Variants in RNF150 observed in about 807,000 individuals in gnomAD.
RNF150 encodes the protein ring finger protein 150.
Under a neutral mutation model 39.3 loss-of-function variants are expected in RNF150, and 24 were observed. That is an observed-to-expected ratio of 0.61 (90% confidence interval 0.44 to 0.86). The LOEUF is 0.86. RNF150 is among the 40% of genes least tolerant of loss of function. The pLI is 0.00. For synonymous variants in RNF150, 255 were observed against 227.3 expected, an observed-to-expected ratio of 1.12 and a Z score of -1.10; for missense variants, 502 against 587.8, an observed-to-expected ratio of 0.85 and a Z score of 1.51.
At chr4:141,115,857 T>C (rs1560746603) in intron 1 of RNF150, among the ~76,000 whole-genome samples, 1 of 152,178 alleles carries the variant, frequency 6.6e-6, no homozygotes, top group Non-Finnish European at 1.5e-5. Flanking sequence ...AACCATCTGA[T>C]CTTTGACAAA....
intron 1 of RNF150, among the ~76,000 whole-genome samples, chr4:141,088,401 G>A (rs1377563113): frequency 6.6e-6 from 1 of 152,044 alleles, no homozygotes; most frequent in Non-Finnish European, 1.5e-5. Context: ...GGAGAAACTG[G>A]GCTTGAAAGA....
chr4:140,896,833 C>T (rs1157777804), intron 6 of RNF150, among the ~76,000 whole-genome samples: 1 of 151,956 alleles, frequency 6.6e-6, no homozygotes, highest in South Asian at 2.1e-4. Flanking sequence ...CCTGCACCAC[C>T]GTGTGTAGGT....
chr4:140,994,618 G>T (rs1424528514), intron 1 of RNF150, among the ~76,000 whole-genome samples: 1 of 152,098 alleles, frequency 6.6e-6, no homozygotes, highest in Non-Finnish European at 1.5e-5. Context: ...AAGACCAAAA[G>T]TAAGATCTGA....
Position 140,926,724 on chromosome 4 carries a change from G to A in RNF150, c.891-651C>T, listed in dbSNP as rs60138040. On this transcript the variant is annotated intron_variant, in intron 4 of 6. Coordinates refer to ENST00000515673, the MANE Select transcript of RNF150 (RefSeq NM_020724.2). ...ACTAGCTTTTATCTTCGTGGCAGAA[G>A]GGGCATTTGGTGGCTACAGGAGGGC... Among the ~76,000 whole-genome samples, 1,148 of 152,280 alleles carry A rather than the reference G, an allele frequency of 7.5e-3. 18 individuals carry two copies. The highest frequency in any genetic ancestry group is 0.026 in the African/African-American group (1,084 of 41,562).
chr4:141,124,386 T>G (rs943404785), intron 1 of RNF150, among the ~76,000 whole-genome samples: 1 of 152,168 alleles, frequency 6.6e-6, no homozygotes, highest in Non-Finnish European at 1.5e-5. Flanking sequence ...AAGAGTAGCT[T>G]GGGAGTGCCT....
At chr4:141,046,090 A>G (rs1211532134) in intron 1 of RNF150, among the ~76,000 whole-genome samples, 4 of 152,184 alleles carry the variant, frequency 2.6e-5, no homozygotes, top group African/African-American at 4.8e-5. Flanking sequence ...AGATTGACAT[A>G]TAGAAGATGG....
intron 1 of RNF150, among the ~76,000 whole-genome samples, chr4:140,988,059 C>T (rs1233342581): frequency 6.6e-6 from 1 of 152,176 alleles, no homozygotes; most frequent in Non-Finnish European, 1.5e-5. Context: ...GAGATACCAT[C>T]TCACACCAGT....
chr4:140,948,585 C>T lies in RNF150; in HGVS notation c.807+716G>A, dbSNP rs559692276. On this transcript the variant is annotated intron_variant, in intron 3 of 6. Coordinates refer to ENST00000515673, the MANE Select transcript of RNF150 (RefSeq NM_020724.2). Reference sequence around the variant, plus strand: ...GTGAAGGAGACTACTGAAATGAATTCGGGGCTCTGTGTTTTGATTTTAAAA... The same window carrying T: ...GTGAAGGAGACTACTGAAATGAATTTGGGGCTCTGTGTTTTGATTTTAAAA... Among the ~76,000 whole-genome samples the T allele has an allele frequency of 5.9e-5, 9 of 152,104 alleles. No individual in the cohort carries two copies. In the East Asian group the frequency reaches 9.6e-4, roughly 16 times the overall value.
At chr4:141,080,956 C>T (rs1221196092) in intron 1 of RNF150, among the ~76,000 whole-genome samples, 2 of 152,102 alleles carry the variant, frequency 1.3e-5, no homozygotes, top group Non-Finnish European at 2.9e-5. Context: ...CCTGCAGGTA[C>T]GGCTCTGGGT....
intron 1 of RNF150, among the ~76,000 whole-genome samples, chr4:141,057,359 G>T (rs897558183): frequency 1.3e-5 from 2 of 151,432 alleles, no homozygotes; most frequent in African/African-American, 4.9e-5. Context: ...AATTTTTTAG[G>T]TATGATTTAG....
rs550178389 is a variant in RNF150, at chr4:141,153,032, C to T, written c.-6+59762G>A. ...CAGAAGGGTATTCCCAGGAATCATT[C>T]GCAACATCTTAATTATGCACTTTGC... On this transcript the variant is annotated intron_variant, in intron 1 of 7. Transcript: ENST00000420921. Among the ~76,000 whole-genome samples the T allele has an allele frequency of 1.2e-4, 19 of 152,230 alleles. No individual in the cohort carries two copies. The South Asian group carries it at 1.9e-3, about 15-fold the overall frequency.
chr4:140,861,968 C>G lies in RNF150; in HGVS notation c.*6293G>C, dbSNP rs1443475092. On this transcript the variant is annotated 3_prime_UTR_variant, in exon 7 of 7. Transcript: ENST00000515673. ...ATAAGGTTTAATGGTTTCATTCAAC[C>G]ATGCAACCCACCTTCGCTTTTATTT... is the stretch of plus-strand genomic sequence containing the variant. 6.6e-6 allele frequency: 1 copy of G among 152,170 alleles called. No homozygotes were observed. The highest frequency in any genetic ancestry group is 1.5e-5 in the Non-Finnish European group (1 of 68,026). 9.4% of individuals were successfully genotyped at this position (152,170 alleles called of 1,614,324 possible).
At chr4:141,050,214 T>G (rs768555489) in intron 1 of RNF150, among the ~76,000 whole-genome samples, 1 of 152,102 alleles carries the variant, frequency 6.6e-6, no homozygotes, top group Non-Finnish European at 1.5e-5. Context: ...TGGTTGTGTG[T>G]GTGAGATTTT....
intron 4 of RNF150, among the ~76,000 whole-genome samples, chr4:140,943,373 A>G (rs1254989148): frequency 6.6e-6 from 1 of 152,222 alleles, no homozygotes; most frequent in African/African-American, 2.4e-5. Flanking sequence ...TAAAAAGAAG[A>G]CAATATATAA....
intron 1 of RNF150, among the ~76,000 whole-genome samples, chr4:141,123,956 G>A (rs1389054490): frequency 6.6e-6 from 1 of 152,130 alleles, no homozygotes; most frequent in Non-Finnish European, 1.5e-5. Flanking sequence ...TATCATTGAT[G>A]GATATTTGGG....
chr4:141,138,658 C>T (rs1253154978), intron 1 of RNF150, among the ~76,000 whole-genome samples: 1 of 152,106 alleles, frequency 6.6e-6, no homozygotes, highest in African/African-American at 2.4e-5. Flanking sequence ...TGGAGTTGGA[C>T]ATTTGGCACC....
chr4:140,919,566 G>A (rs1320943984), intron 5 of RNF150, among the ~76,000 whole-genome samples: 2 of 151,108 alleles, frequency 1.3e-5, no homozygotes, highest in African/African-American at 2.4e-5. Context: ...AACATTCCAT[G>A]CTCATGGGTA....
At chr4:141,065,553 T>C (rs1296472623) in intron 1 of RNF150, among the ~76,000 whole-genome samples, 2 of 47,600 alleles carry the variant, frequency 4.2e-5, no homozygotes. Context: ...TATTTATTTG[T>C]AATTTTTTTT....
chr4:141,196,635 A>T (rs1728205526), intron 1 of RNF150, among the ~76,000 whole-genome samples: 1 of 152,218 alleles, frequency 6.6e-6, no homozygotes, highest in Non-Finnish European at 1.5e-5. Flanking sequence ...GTTACAATGC[A>T]TAAAACTATC....
Sources: gnomAD v4.1 joint callset for allele counts (sites outside exome capture counted in the v4.1 genomes callset) on GRCh38, gnomAD v4.1.1 for gene constraint, MANE v1.5 for transcripts, NCBI Gene and HGNC (gene_info 2026-07-23, HGNC 2026-07-21) for gene names.